Variants in VPS13B observed in about 807,000 individuals in gnomAD.
The protein encoded by VPS13B is intermembrane lipid transfer protein VPS13B.
In VPS13B, 285 loss-of-function variants were observed where a neutral mutation model predicts 426.4. That is an observed-to-expected ratio of 0.67 (90% CI 0.61 to 0.74). VPS13B has a LOEUF of 0.74. VPS13B is among the 30% of genes least tolerant of loss of function. The pLI is 0.00. For synonymous variants in VPS13B, 1,676 were observed against 1,676.4 expected, an observed-to-expected ratio of 1.00 and a Z score of 0.01; for missense variants, 4,537 against 4,782.6, an observed-to-expected ratio of 0.95 and a Z score of 1.51.
At chr8:99,213,013 G>A (rs2132803437) in intron 17 of VPS13B, among the ~76,000 whole-genome samples, 1 of 152,190 alleles carries the variant, frequency 6.6e-6, no homozygotes, top group Admixed American at 6.5e-5. Flanking sequence ...CATTTAAGCA[G>A]ATTTGATTAT....
chr8:99,661,944 G>A (rs1460787619), intron 35 of VPS13B, among the ~76,000 whole-genome samples: 1 of 152,166 alleles, frequency 6.6e-6, no homozygotes, highest in African/African-American at 2.4e-5. Flanking sequence ...TGTTTCACAT[G>A]CTTAGCAAAG....
chr8:99,429,761 T>C (rs1816987680), intron 21 of VPS13B: 1 of 152,214 alleles, frequency 6.6e-6, no homozygotes, highest in Non-Finnish European at 1.5e-5. Context: ...ACTGGATACA[T>C]GTAGTAAATG....
chr8:99,434,083 C>T (rs181721706), intron 22 of VPS13B, among the ~76,000 whole-genome samples: 12 of 152,280 alleles, frequency 7.9e-5, no homozygotes, highest in African/African-American at 2.6e-4. Context: ...GCTGAGATTA[C>T]AGGTGTGAGC....
Position 99,696,686 on chromosome 8 carries a change from A to C in VPS13B, c.6047-2839A>C, listed in dbSNP as rs146052835. ...TCGAGGAGAGGACCTTGAAGAACAT[A>C]GCAGCCAAGGGCAGTGCCACCAGAC... On this transcript the variant is annotated intron_variant, in intron 35 of 61. Transcript: ENST00000357162. 74 of 774,658 alleles carry C rather than the reference A, an allele frequency of 9.6e-5. 1 individual carries two copies. In the East Asian group the frequency reaches 1.9e-3, roughly 20 times the overall value. The allele number at this position is 774,658 out of a possible 1,614,324, so 48.0% of individuals were successfully genotyped here.
At chr8:99,180,849 AATAG>A (rs762560656) in intron 16 of VPS13B, among the ~76,000 whole-genome samples, 36 of 152,320 alleles carry the variant, frequency 2.4e-4, no homozygotes, top group Non-Finnish European at 3.5e-4. Flanking sequence ...TTTTAGCCTT[AATAG>A]TAGAGAAGTA....
chr8:99,100,207 C>T (rs1239320362), intron 4 of VPS13B, among the ~76,000 whole-genome samples: 4 of 152,122 alleles, frequency 2.6e-5, no homozygotes, highest in South Asian at 2.1e-4. Flanking sequence ...GTAGTTCTTT[C>T]GATATTTGAT....
rs1232681530 is a variant in VPS13B, at chr8:99,875,987, T to G, written c.*321T>G. On this transcript the variant is annotated 3_prime_UTR_variant, in exon 62 of 62. Coordinates refer to ENST00000357162, the MANE Select transcript of VPS13B (RefSeq NM_152564.5). ...GACAAAAACGTGTTCCTTCCCCACT[T>G]AGAGACAATGATTAACAGGGCCCTA... is the stretch of plus-strand genomic sequence containing the variant. The G allele has an allele frequency of 2.7e-6, 1 of 371,658 alleles. No homozygotes were observed. The highest frequency in any genetic ancestry group is 5.0e-6 in the Non-Finnish European group (1 of 198,478). The allele number at this position is 371,658 out of a possible 1,614,324, so 23.0% of individuals were successfully genotyped here.
chr8:99,048,961 G>T (rs973591054), intron 3 of VPS13B, among the ~76,000 whole-genome samples: 3 of 151,972 alleles, frequency 2.0e-5, no homozygotes, highest in African/African-American at 4.8e-5. Flanking sequence ...AGTTTATTTT[G>T]TCTGATATAA....
chr8:99,817,540 A>G lies in VPS13B; in HGVS notation c.8098A>G (p.Ile2700Val). 1 of 1,613,958 alleles carries G rather than the reference A, an allele frequency of 6.2e-7. No homozygotes were observed. Among genetic ancestry groups the G allele is most frequent in the South Asian group, 1.1e-5 (1 of 91,056 alleles). Residue 2700 changes from isoleucine to valine, a missense_variant and splice_region_variant, in exon 45 of 62, where the codon ATT becomes GTT. This residue lies in a region of VPS13B where 4,311 missense variants were observed against 4,474.3 expected (regional missense o/e 0.96). Coordinates refer to ENST00000357162, the MANE Select transcript of VPS13B (RefSeq NM_152564.5). ...VQQLNGVQKQ[I>V]IICGRQIICS... ...CCTTATATACTTAACTGTCTTTTAG[A>G]TTATCATCTGTGGAAGACAGATCAT... is the stretch of plus-strand genomic sequence containing the variant.
intron 17 of VPS13B, among the ~76,000 whole-genome samples, chr8:99,272,686 T>C (rs1440086020): frequency 6.6e-6 from 1 of 152,200 alleles, no homozygotes; most frequent in Non-Finnish European, 1.5e-5. Flanking sequence ...ATGGGAATTA[T>C]TACCTTCTGT....
At chr8:99,711,486 T>G (rs1369377056) in intron 36 of VPS13B, among the ~76,000 whole-genome samples, 1 of 152,104 alleles carries the variant, frequency 6.6e-6, no homozygotes, top group Non-Finnish European at 1.5e-5. Flanking sequence ...TCAGTGCTGG[T>G]AGGCCTGAGT....
intron 30 of VPS13B, among the ~76,000 whole-genome samples, chr8:99,535,298 A>G (rs1323485085): frequency 6.6e-6 from 1 of 152,222 alleles, no homozygotes; most frequent in Non-Finnish European, 1.5e-5. Context: ...TTAAATATAT[A>G]TGCTTACTTT....
At chr8:99,087,684 G>A (rs1289496805) in intron 3 of VPS13B, among the ~76,000 whole-genome samples, 1 of 150,788 alleles carries the variant, frequency 6.6e-6, no homozygotes, top group Non-Finnish European at 1.5e-5. Flanking sequence ...TTTGGTTCAA[G>A]CAGTTCTCCA....
chr8:99,275,858 C>T (rs1445054256), intron 19 of VPS13B, among the ~76,000 whole-genome samples: 1 of 152,104 alleles, frequency 6.6e-6, no homozygotes, highest in Admixed American at 6.6e-5. Context: ...AGATCACTAT[C>T]AGCCATGAAT....
chr8:99,212,623 C>T (rs1815154690), intron 17 of VPS13B, among the ~76,000 whole-genome samples: 1 of 152,096 alleles, frequency 6.6e-6, no homozygotes, highest in African/African-American at 2.4e-5. Flanking sequence ...CTGAACTCTG[C>T]ATTACCATAT....
At chr8:99,770,354 T>TAGATTCACTCTTTTTGGTCGGGCGCG (rs1563909424) in intron 40 of VPS13B, among the ~76,000 whole-genome samples, 12 of 149,008 alleles carry the variant, frequency 8.1e-5, no homozygotes, top group East Asian at 2.0e-4. Context: ...GCCCTGGTCA[T>TAGATTCACTCTTTTTGGTCGGGCGCG]GCTATCCATT....
intron 15 of VPS13B, among the ~76,000 whole-genome samples, chr8:99,162,475 C>T (rs552127378): frequency 3.7e-4 from 57 of 152,276 alleles, no homozygotes; most frequent in Admixed American, 1.0e-3. Context: ...CGCGGACCCT[C>T]GCGGTGAGTG....
chr8:99,656,306 A>G (rs1244286419), intron 34 of VPS13B, among the ~76,000 whole-genome samples: 2 of 152,220 alleles, frequency 1.3e-5, no homozygotes, highest in African/African-American at 4.8e-5. Context: ...TCCTCATAAG[A>G]TAAGACTTTC....
At chr8:99,813,446 A>T (rs919660766) in intron 44 of VPS13B, among the ~76,000 whole-genome samples, 1 of 152,224 alleles carries the variant, frequency 6.6e-6, no homozygotes, top group African/African-American at 2.4e-5. Context: ...ATCAAGAATA[A>T]CAGAGTTAAA....
Sources: gnomAD v4.1 joint callset for allele counts (sites outside exome capture counted in the v4.1 genomes callset) on GRCh38, gnomAD v4.1.1 for gene constraint, gnomAD v4.1.1 regional missense constraint, MANE v1.5 for transcripts, NCBI Gene and HGNC (gene_info 2026-07-23, HGNC 2026-07-21) for gene names.